FAT1: variants seen among roughly 807,000 people sequenced by gnomAD.
FAT1 encodes FAT atypical cadherin 1, also known as protocadherin Fat 1.
FAT1 carries 171 observed loss-of-function variants against 329.8 expected under a neutral mutation model. That is an observed-to-expected ratio of 0.52 (90% CI 0.46 to 0.59). The LOEUF (loss-of-function observed/expected upper bound fraction) is 0.59, where lower values mean the gene tolerates loss of function less well. FAT1 is among the 20% of genes least tolerant of loss of function. The pLI, the probability that FAT1 is intolerant of heterozygous loss-of-function variation, is 0.00. For synonymous variants in FAT1, 2,233 were observed against 2,228.6 expected (o/e 1.00, Z -0.06); for missense variants, 5,672 against 5,774.4 (o/e 0.98, Z 0.57).
intron 16 of FAT1, among the ~76,000 whole-genome samples, chr4:186,607,512 T>C (rs1739207698): frequency 6.6e-6 from 1 of 151,758 alleles, no homozygotes; most frequent in South Asian, 2.1e-4. Context: ...GGTAGATGGA[T>C]AACTAGATGG....
At chr4:186,657,444 T>C (rs532719015) in intron 3 of FAT1, among the ~76,000 whole-genome samples, 2 of 152,146 alleles carry the variant, frequency 1.3e-5, no homozygotes, top group African/African-American at 4.8e-5. Context: ...AACTATTATT[T>C]AGTGCTAGAA....
intron 2 of FAT1, among the ~76,000 whole-genome samples, chr4:186,699,681 TG>T (rs1387407680): frequency 7.0e-6 from 1 of 141,850 alleles, no homozygotes; most frequent in African/African-American, 2.8e-5. Context: ...ATAAGCAGCA[TG>T]GTCTGCTGTT....
intron 1 of FAT1, among the ~76,000 whole-genome samples, chr4:186,713,523 C>T (rs1302048699): frequency 6.6e-6 from 1 of 152,148 alleles, no homozygotes; most frequent in Non-Finnish European, 1.5e-5. Context: ...TTACTTTCAC[C>T]CCTCCCTGTA....
At chr4:186,674,218 A>G (rs988197886) in intron 2 of FAT1, among the ~76,000 whole-genome samples, 3 of 152,230 alleles carry the variant, frequency 2.0e-5, no homozygotes, top group African/African-American at 7.2e-5. Flanking sequence ...GCAGAGGCTT[A>G]AGGCTCAAAA....
intron 20 of FAT1, 51 bp from the exon 21 acceptor site, chr4:186,601,477 T>A: frequency 6.5e-7 from 1 of 1,547,386 alleles, no homozygotes; most frequent in South Asian, 1.2e-5. Flanking sequence ...TTAAGCATAT[T>A]TTTTAAAGTA....
intron 16 of FAT1, among the ~76,000 whole-genome samples, chr4:186,608,163 T>A (rs1739234091): frequency 6.6e-6 from 1 of 152,356 alleles, no homozygotes. Context: ...ATCTAAGCTT[T>A]GTGGATTCTA....
At chr4:186,613,746 A>G (rs1246550296) in intron 12 of FAT1, among the ~76,000 whole-genome samples, 3 of 152,254 alleles carry the variant, frequency 2.0e-5, no homozygotes, top group Non-Finnish European at 4.4e-5. Flanking sequence ...ACCAAAATAC[A>G]AAAGGAAAAC....
In FAT1 at chr4:186,710,853, C is replaced by T. The variant is rs114711684; in HGVS notation, c.-18-1008G>A. Among the ~76,000 whole-genome samples, 507 of 152,198 alleles carry T rather than the reference C, an allele frequency of 3.3e-3. 1 individual carries two copies. Among genetic ancestry groups the T allele is most frequent in the African/African-American group, 0.011 (465 of 41,508 alleles). ...TGCAGGACAGTCCCTGGGTGACTGG[C>T]GGAGAAAAGAGAGAAACTGAAGAAA... is the stretch of plus-strand genomic sequence containing the variant. On this transcript the variant is annotated intron_variant, in intron 1 of 26. Coordinates refer to ENST00000441802, the MANE Select transcript of FAT1 (RefSeq NM_005245.4).
chr4:186,718,305 T>G (rs985529705), intron 1 of FAT1, among the ~76,000 whole-genome samples: 2 of 152,138 alleles, frequency 1.3e-5, no homozygotes, highest in Non-Finnish European at 2.9e-5. Context: ...TCCTGCCTCT[T>G]CTACAGCTCC....
intron 3 of FAT1, among the ~76,000 whole-genome samples, chr4:186,657,868 G>T (rs1373544700): frequency 6.6e-6 from 1 of 152,180 alleles, no homozygotes; most frequent in African/African-American, 2.4e-5. Context: ...AAGACTCTTT[G>T]CAAGGGTGGT....
rs753543942 is a variant in FAT1 at position 186,708,868 on chromosome 4, G to A, written c.960C>T (p.Ile320=). 9.9e-6 allele frequency: 16 copies of A among 1,613,780 alleles called. No individual in the cohort carries two copies. Among genetic ancestry groups the A allele is most frequent in the Admixed American group, 3.3e-5 (2 of 59,998 alleles). ...PGSKEYKVKA[I]GGIDWDSHPF... is the part of the protein sequence containing the mutation. ...GATGACTGTCCCAATCAATGCCACCGATGGCTTTGACTTTATACTCCTTAC... is the reference window on the plus strand; with the variant it reads ...GATGACTGTCCCAATCAATGCCACCAATGGCTTTGACTTTATACTCCTTAC... Residue 320 remains isoleucine (I), a synonymous_variant, in exon 2 of 27, where the codon ATC becomes ATT. Coordinates refer to ENST00000441802, the MANE Select transcript of FAT1 (RefSeq NM_005245.4).
At chr4:186,615,241 C>G (rs570607504) in intron 11 of FAT1, among the ~76,000 whole-genome samples, 1 of 152,214 alleles carries the variant, frequency 6.6e-6, no homozygotes, top group South Asian at 2.1e-4. Context: ...TGTCGCACCC[C>G]TTCTGAAAAT....
chr4:186,589,359 G>A (rs1560911858), intron 26 of FAT1, 139 bp from the exon 27 acceptor site: 5 of 981,854 alleles, frequency 5.1e-6, no homozygotes, highest in Non-Finnish European at 5.9e-6. Context: ...GAAATTCCTC[G>A]TCTTTGCTTT....
At chr4:186,637,045 C>T in intron 4 of FAT1, 131 bp from the exon 5 acceptor site, 3 of 786,828 alleles carry the variant, frequency 3.8e-6, no homozygotes, top group Non-Finnish European at 4.1e-6. Context: ...ACATACACAG[C>T]AGATCTTCAT....
chr4:186,661,400 T>A (rs1409910351), intron 3 of FAT1, among the ~76,000 whole-genome samples: 2 of 152,212 alleles, frequency 1.3e-5, no homozygotes, highest in Non-Finnish European at 2.9e-5. Flanking sequence ...CAGGCCTTTG[T>A]CAACCACATG....
intron 2 of FAT1, among the ~76,000 whole-genome samples, chr4:186,702,148 C>T (rs1744360989): frequency 6.6e-6 from 1 of 152,256 alleles, no homozygotes; most frequent in Non-Finnish European, 1.5e-5. Context: ...GGTGCTCCAA[C>T]ACTCTCCATC....
chr4:186,656,819 T>C (rs1388802674), intron 3 of FAT1, among the ~76,000 whole-genome samples: 2 of 152,200 alleles, frequency 1.3e-5, no homozygotes, highest in African/African-American at 4.8e-5. Flanking sequence ...ACAGAAACCC[T>C]GGTTAAGAAG....
intron 2 of FAT1, among the ~76,000 whole-genome samples, chr4:186,694,484 A>T (rs1429042386): frequency 1.3e-5 from 2 of 152,254 alleles, no homozygotes; most frequent in African/African-American, 2.4e-5. Context: ...ATGAGTTTTT[A>T]AAAAACTTTT....
rs1436663147 is a variant in FAT1 at position 186,708,258 on chromosome 4, T to C, written c.1570A>G (p.Asn524Asp). 9.3e-6 allele frequency: 15 copies of C among 1,614,014 alleles called. No homozygotes were observed. Among genetic ancestry groups the C allele is most frequent in the Non-Finnish European group, 1.3e-5 (15 of 1,179,898 alleles). Reference protein sequence around the residue: ...HFTGAVSTSENLDYELMPRVY... With the variant: ...HFTGAVSTSEDLDYELMPRVY... ...CGAGGCATCAGTTCGTAGTCCAGGT[T>C]TTCTGACGTACTCACGGCACCAGTG... is the stretch of plus-strand genomic sequence containing the variant. Residue 524 changes from asparagine (N) to aspartate (D), a missense_variant, in exon 2 of 27, where the codon AAC becomes GAC. Coordinates refer to ENST00000441802, the MANE Select transcript of FAT1 (RefSeq NM_005245.4).
Sources: gnomAD v4.1 joint callset for allele counts (sites outside exome capture counted in the v4.1 genomes callset) on GRCh38, gnomAD v4.1.1 for gene constraint, MANE v1.5 for transcripts, NCBI Gene and HGNC (gene_info 2026-07-23, HGNC 2026-07-21) for gene names.